MPPED1: variants seen among roughly 807,000 people sequenced by gnomAD.
MPPED1 encodes metallophosphoesterase domain-containing protein 1.
A neutral mutation model predicts 36.2 loss-of-function variants in MPPED1; 16 were observed. The observed-to-expected ratio is 0.44, with a 90% CI of 0.30 to 0.67. The LOEUF is 0.67. Among genes scored for constraint, MPPED1 ranks in the 30% least tolerant of loss-of-function variants. The pLI is 0.10. For missense variants in MPPED1, 307 were observed against 453.4 expected (o/e 0.68, Z 2.93); for synonymous variants, 199 against 191.3 (o/e 1.04, Z -0.33).
At chr22:43,458,796 C>T (rs1015023040) in intron 3 of MPPED1, among the ~76,000 whole-genome samples, 12 of 152,262 alleles carry the variant, frequency 7.9e-5, no homozygotes, top group African/African-American at 1.7e-4. Flanking sequence ...GATAGTTTTG[C>T]GGGATGTAGA....
At chr22:43,437,457 G>A (rs1930000297) in intron 3 of MPPED1, among the ~76,000 whole-genome samples, 1 of 152,224 alleles carries the variant, frequency 6.6e-6, no homozygotes, top group Non-Finnish European at 1.5e-5. Flanking sequence ...AAGTCACACA[G>A]CTTGTAAATG....
intron 5 of MPPED1, among the ~76,000 whole-genome samples, chr22:43,499,741 T>C (rs1165769295): frequency 8.2e-5 from 2 of 24,488 alleles, no homozygotes; most frequent in Admixed American, 5.0e-4. Context: ...ATGGGGGTGG[T>C]GGTGGTGATG....
intron 4 of MPPED1, among the ~76,000 whole-genome samples, chr22:43,495,986 ATGG>A (rs1160165864): frequency 1.8e-3 from 25 of 14,100 alleles, no homozygotes; most frequent in African/African-American, 2.1e-3. Context: ...GGTGGTGGAG[ATGG>A]TGGTGGTGGT....
intron 4 of MPPED1, among the ~76,000 whole-genome samples, chr22:43,495,540 TGGTGGTGGTGGAGATGGTGGTGGTGGA>T (rs1932268845): frequency 1.5e-5 from 1 of 64,946 alleles, no homozygotes; most frequent in African/African-American, 6.7e-5. Flanking sequence ...GTGGTGGAGA[TGGTGGTGGTGGAGATGGTGGTGGTGGA>T]GGTGATGGTG....
At chr22:43,493,568 C>T (rs1327157047) in intron 4 of MPPED1, among the ~76,000 whole-genome samples, 1 of 152,204 alleles carries the variant, frequency 6.6e-6, no homozygotes, top group Non-Finnish European at 1.5e-5. Context: ...CGCCAGGACC[C>T]AAGTCCTGTG....
chr22:43,448,730 G>C (rs135047), intron 3 of MPPED1, among the ~76,000 whole-genome samples: 104,386 of 151,886 alleles, frequency 0.69, 42,981 homozygotes, highest in Non-Finnish European at 0.89. Context: ...AGCCTCTTGA[G>C]TAGCTGGGAT....
At chr22:43,421,122 C>T (rs1036881128) in intron 1 of MPPED1, among the ~76,000 whole-genome samples, 2 of 152,244 alleles carry the variant, frequency 1.3e-5, no homozygotes, top group Non-Finnish European at 2.9e-5. Flanking sequence ...GCATCGCTCG[C>T]GTGCTGTGCT....
At chr22:43,463,815 C>CTTTCTTTTTTTTTT (rs1377538955) in intron 3 of MPPED1, among the ~76,000 whole-genome samples, 1 of 47,950 alleles carries the variant, frequency 2.1e-5, no homozygotes, top group Non-Finnish European at 4.5e-5. Context: ...TCTTTTCTTT[C>CTTTCTTTTTTTTTT]TTTCTTTCTT....
At chr22:43,467,876 T>C (rs1247295382) in intron 3 of MPPED1, among the ~76,000 whole-genome samples, 1 of 152,220 alleles carries the variant, frequency 6.6e-6, no homozygotes, top group Non-Finnish European at 1.5e-5. Flanking sequence ...ACATATCTTG[T>C]TGAATTTAAC....
rs578179801 is a variant in MPPED1, at chr22:43,482,085, CAGG to C, written c.632+7127_632+7129del. Among the ~76,000 whole-genome samples the C allele has an allele frequency of 1.4e-4, 22 of 152,106 alleles. No homozygotes were observed. The South Asian group carries it at 4.4e-3, about 30-fold the overall frequency. On this transcript the variant is annotated intron_variant, in intron 4 of 6. Coordinates refer to ENST00000443721, the MANE Select transcript of MPPED1 (RefSeq NM_001044370.2). Reference sequence around the variant, plus strand: ...AGCGGAAGGGGGCGGGAACCAACTGCAGGAGAAGAGGAAGAACTCAGCTGGTAC... The same window carrying C: ...AGCGGAAGGGGGCGGGAACCAACTGCAGAAGAGGAAGAACTCAGCTGGTAC...
rs1011538968 is a variant in MPPED1, at chr22:43,455,820, C to T, written c.407-18916C>T. ...CTTGAAAGTTTCTTGTCTTTGGTTT[C>T]AAGCACTTTGATTATTGTGTTAATT... On this transcript the variant is annotated intron_variant, in intron 3 of 6. Transcript: ENST00000443721. Among the ~76,000 whole-genome samples the T allele has an allele frequency of 2.6e-5, 4 of 152,110 alleles. No individual in the cohort carries two copies. In the East Asian group the frequency reaches 5.8e-4, roughly 22 times the overall value.
intron 6 of MPPED1, among the ~76,000 whole-genome samples, chr22:43,504,016 A>G (rs916342481): frequency 3.3e-5 from 5 of 152,200 alleles, no homozygotes; most frequent in Non-Finnish European, 5.9e-5. Flanking sequence ...TGAGGGAGGC[A>G]GAGAAAGTAC....
intron 6 of MPPED1, among the ~76,000 whole-genome samples, chr22:43,504,356 CAAT>C (rs1424280772): frequency 1.3e-5 from 2 of 151,448 alleles, no homozygotes; most frequent in African/African-American, 2.4e-5. Context: ...TCAATGATGA[CAAT>C]GATGATGATG....
chr22:43,448,962 G>A (rs1930461790), intron 3 of MPPED1, among the ~76,000 whole-genome samples: 1 of 151,902 alleles, frequency 6.6e-6, no homozygotes. Context: ...TGTGTATCTG[G>A]AAAATCCCCT....
intron 1 of MPPED1, among the ~76,000 whole-genome samples, chr22:43,423,954 G>A (rs1050573955): frequency 1.3e-5 from 2 of 152,148 alleles, no homozygotes; most frequent in African/African-American, 4.8e-5. Context: ...TCTGACTAAC[G>A]AGGCGTCGGC....
At chr22:43,496,258 GGAGGTA>G in intron 4 of MPPED1, among the ~76,000 whole-genome samples, 1 of 100,270 alleles carries the variant, frequency 1.0e-5, no homozygotes, top group Non-Finnish European at 1.9e-5. Flanking sequence ...AGGTGGTGGT[GGAGGTA>G]GTGGTGGTGG....
chr22:43,445,770 AT>A (rs1488213106), intron 3 of MPPED1, among the ~76,000 whole-genome samples: 1 of 149,132 alleles, frequency 6.7e-6, no homozygotes, highest in Non-Finnish European at 1.5e-5. Context: ...GGGTTTTACC[AT>A]TTTGCCCAGG....
rs1350952632 is a variant in MPPED1 at position 43,506,733 on chromosome 22, G to C, written c.*1117G>C. 1 of 152,202 alleles carries C rather than the reference G, an allele frequency of 6.6e-6. No individual in the cohort carries two copies. Among genetic ancestry groups the C allele is most frequent in the East Asian group, 1.9e-4 (1 of 5,198 alleles). The allele number at this position is 152,202 out of a possible 1,614,324, so 9.4% of individuals were successfully genotyped here. ...AGCTTCTTTTTCTTCTTTGAATTAG[G>C]ACTGGAGGGGGTGGGGCCAGGGCGG... On this transcript the variant is annotated 3_prime_UTR_variant, in exon 7 of 7. Coordinates refer to ENST00000443721, the MANE Select transcript of MPPED1 (RefSeq NM_001044370.2).
rs945479397 is a variant in MPPED1 at position 43,432,206 on chromosome 22, G to C, written c.225-2828G>C. ...ATCTTCAAAACCTCAGAGGCACACA[G>C]AGAGAGAGAGAGAGACACAGAGAGA... is the stretch of plus-strand genomic sequence containing the variant. On this transcript the variant is annotated intron_variant, in intron 2 of 6. Coordinates refer to ENST00000443721, the MANE Select transcript of MPPED1 (RefSeq NM_001044370.2). Among the ~76,000 whole-genome samples, 52 of 32,006 alleles carry C rather than the reference G, an allele frequency of 1.6e-3. No individual in the cohort carries two copies. In the Admixed American group the frequency reaches 0.021, roughly 13 times the overall value. 21.0% of individuals were successfully genotyped at this position (32,006 alleles called of 152,430 possible).
Sources: gnomAD v4.1 joint callset for allele counts (sites outside exome capture counted in the v4.1 genomes callset) on GRCh38, gnomAD v4.1.1 for gene constraint, MANE v1.5 for transcripts, NCBI Gene and HGNC (gene_info 2026-07-23, HGNC 2026-07-21) for gene names.